CTNNA3: variants seen among roughly 807,000 people sequenced by gnomAD.
CTNNA3 encodes catenin alpha 3.
Under a neutral mutation model 95.7 loss-of-function variants are expected in CTNNA3, and 76 were observed. The observed-to-expected ratio is 0.79, with a 90% CI of 0.66 to 0.96. The LOEUF is 0.96. CTNNA3 is among the 40% of genes least tolerant of loss of function. The probability of loss-of-function intolerance (pLI) is 0.00; values close to 1 mark genes in which losing one functional copy is unlikely to be tolerated. For missense variants in CTNNA3, 1,191 were observed against 1,089.8 expected, an observed-to-expected ratio of 1.09 and a Z score of -1.31; for synonymous variants, 431 against 374.4, an observed-to-expected ratio of 1.15 and a Z score of -1.74.
chr10:66,270,556 CT>C (rs2091258843), intron 13 of CTNNA3, among the ~76,000 whole-genome samples: 1 of 152,138 alleles, frequency 6.6e-6, no homozygotes, highest in Non-Finnish European at 1.5e-5. Context: ...AGCCTACATT[CT>C]TTTGTGGGAA....
chr10:66,059,067 T>C (rs958923908), intron 15 of CTNNA3, among the ~76,000 whole-genome samples: 1 of 115,030 alleles, frequency 8.7e-6, no homozygotes, highest in African/African-American at 2.9e-5. Flanking sequence ...AAATGATGTC[T>C]ATTAACAAAG....
intron 5 of CTNNA3, among the ~76,000 whole-genome samples, chr10:67,227,242 C>A (rs961713769): frequency 2.0e-5 from 3 of 152,052 alleles, no homozygotes; most frequent in Non-Finnish European, 4.4e-5. Context: ...CATGCCTGCA[C>A]CACCATGCCC....
intron 7 of CTNNA3, among the ~76,000 whole-genome samples, chr10:67,148,195 C>T (rs1860929731): frequency 6.6e-6 from 1 of 152,118 alleles, no homozygotes; most frequent in Non-Finnish European, 1.5e-5. Context: ...CACACAAAAA[C>T]CCAAAAATAC....
chr10:66,475,903 C>T (rs1839308926), intron 11 of CTNNA3, among the ~76,000 whole-genome samples: 1 of 152,086 alleles, frequency 6.6e-6, no homozygotes, highest in African/African-American at 2.4e-5. Context: ...ATTATAAAGA[C>T]ACATGCATGC....
intron 7 of CTNNA3, among the ~76,000 whole-genome samples, chr10:66,780,255 G>A (rs538463934): frequency 3.9e-5 from 6 of 152,104 alleles, no homozygotes; most frequent in Non-Finnish European, 8.8e-5. Flanking sequence ...CAAACCGGCT[G>A]TGGAGTCTGC....
chr10:67,579,913 C>T (rs1842319220), intron 3 of CTNNA3, among the ~76,000 whole-genome samples: 1 of 152,104 alleles, frequency 6.6e-6, no homozygotes, highest in African/African-American at 2.4e-5. Flanking sequence ...TTGATTTTTT[C>T]TTGTAAATTT....
chr10:67,338,472 A>G (rs571608917), intron 5 of CTNNA3, among the ~76,000 whole-genome samples: 1 of 152,298 alleles, frequency 6.6e-6, no homozygotes, highest in South Asian at 2.1e-4. Context: ...ACATTTCAAC[A>G]TGAAATGTGG....
chr10:67,629,886 C>G (rs1273377592), intron 2 of CTNNA3, among the ~76,000 whole-genome samples: 1 of 152,180 alleles, frequency 6.6e-6, no homozygotes, highest in Non-Finnish European at 1.5e-5. Flanking sequence ...CCCCTTGTTT[C>G]TACTTTCTGT....
At chr10:66,825,647 T>C (rs1298416321) in intron 7 of CTNNA3, among the ~76,000 whole-genome samples, 1 of 152,170 alleles carries the variant, frequency 6.6e-6, no homozygotes, top group Non-Finnish European at 1.5e-5. Flanking sequence ...CTTCAATTGT[T>C]CCTTTTTATC....
intron 12 of CTNNA3, among the ~76,000 whole-genome samples, chr10:66,367,478 A>T (rs1015403049): frequency 1.3e-5 from 2 of 149,796 alleles, no homozygotes; most frequent in Admixed American, 1.3e-4. Flanking sequence ...CATATAATAC[A>T]TATATTTATA....
At chr10:67,225,096 C>T (rs1864838047) in intron 5 of CTNNA3, among the ~76,000 whole-genome samples, 2 of 152,056 alleles carry the variant, frequency 1.3e-5, no homozygotes, top group African/African-American at 4.8e-5. Flanking sequence ...CCTGTGATGG[C>T]CAGCTTTCCC....
intron 17 of CTNNA3, among the ~76,000 whole-genome samples, chr10:65,937,797 T>G (rs956984652): frequency 1.3e-4 from 20 of 152,174 alleles, no homozygotes; most frequent in African/African-American, 4.3e-4. Context: ...ATTACATTTT[T>G]TAAAAGATTC....
At chr10:67,657,041 C>G (rs1246335697) in intron 1 of CTNNA3, among the ~76,000 whole-genome samples, 3 of 152,140 alleles carry the variant, frequency 2.0e-5, no homozygotes, top group African/African-American at 7.2e-5. Context: ...TGGCTTAGAA[C>G]TGGTTGGTGG....
At chr10:66,534,035 A>G (rs931773497) in intron 10 of CTNNA3, among the ~76,000 whole-genome samples, 3 of 152,188 alleles carry the variant, frequency 2.0e-5, no homozygotes, top group African/African-American at 4.8e-5. Flanking sequence ...ATCCATATTA[A>G]GCTATTCTAA....
rs537577516 is a variant in CTNNA3 at position 67,051,972 on chromosome 10, C to A, written c.1047+128345G>T. On this transcript the variant is annotated intron_variant, in intron 7 of 17. Coordinates refer to ENST00000433211, the MANE Select transcript of CTNNA3 (RefSeq NM_013266.4). ...GTTTCACCATGTTGGCCAGGCTGGT[C>A]TCAAACTCCTGACCTCAGGTGACCC... Among the ~76,000 whole-genome samples, 416 of 150,760 alleles carry A rather than the reference C, an allele frequency of 2.8e-3. 5 individuals carry two copies. The highest frequency in any genetic ancestry group is 1.6e-3 in the East Asian group (8 of 5,034).
At chr10:65,934,376 C>G (rs1318841662) in intron 17 of CTNNA3, among the ~76,000 whole-genome samples, 2 of 152,132 alleles carry the variant, frequency 1.3e-5, no homozygotes, top group East Asian at 3.9e-4. Flanking sequence ...TATGCAGACT[C>G]TCCTTGCTCT....
intron 11 of CTNNA3, among the ~76,000 whole-genome samples, chr10:66,484,076 C>T (rs1283434044): frequency 6.6e-6 from 1 of 151,980 alleles, no homozygotes; most frequent in Non-Finnish European, 1.5e-5. Flanking sequence ...TATATTAGCA[C>T]CCTTGGAGAC....
chr10:67,262,252 T>C (rs1866647631), intron 5 of CTNNA3, among the ~76,000 whole-genome samples: 2 of 152,290 alleles, frequency 1.3e-5, no homozygotes, highest in South Asian at 4.1e-4. Context: ...AATAATAAGA[T>C]ACATCATCCA....
In CTNNA3 at chr10:67,161,406, G is replaced by C. The variant is rs1157893571; in HGVS notation, c.1047+18911C>G. Among the ~76,000 whole-genome samples, 5 of 151,620 alleles carry C rather than the reference G, an allele frequency of 3.3e-5. No homozygotes were observed. In the East Asian group the frequency reaches 9.7e-4, roughly 29 times the overall value. On this transcript the variant is annotated intron_variant, in intron 7 of 17. Coordinates refer to ENST00000433211, the MANE Select transcript of CTNNA3 (RefSeq NM_013266.4). ...ATATATTTATATAATAAATGAGTGA[G>C]ATAAAATTACATAAAGGGTTCTACA...
Sources: allele counts gnomAD v4.1 joint callset (sites outside exome capture counted in the v4.1 genomes callset), GRCh38; gene constraint gnomAD v4.1.1; transcripts MANE v1.5; gene names NCBI Gene and HGNC (gene_info 2026-07-23, HGNC 2026-07-21).